Variants in SEMA3A observed in about 807,000 individuals in gnomAD.
SEMA3A encodes semaphorin-3A.
In SEMA3A, 29 loss-of-function variants were observed where a neutral mutation model predicts 97.9. The ratio of observed to expected loss-of-function variants is 0.30; its 90% CI spans 0.22 to 0.40. The LOEUF (loss-of-function observed/expected upper bound fraction) is 0.40. Among genes scored for constraint, SEMA3A ranks in the 10% least tolerant of loss-of-function variants. The probability of loss-of-function intolerance (pLI) is 1.00; values close to 1 mark genes in which losing one functional copy is unlikely to be tolerated. For missense variants in SEMA3A, 763 were observed against 951.3 expected (o/e 0.80, Z 2.60); for synonymous variants, 321 against 323.7 (o/e 0.99, Z 0.09).
chr7:84,441,977 C>T (rs755103626), intron 1 of SEMA3A, among the ~76,000 whole-genome samples: 1 of 152,190 alleles, frequency 6.6e-6, no homozygotes, highest in East Asian at 1.9e-4. Context: ...TACCAACAGA[C>T]GTGCTCTGCA....
intron 1 of SEMA3A, among the ~76,000 whole-genome samples, chr7:84,391,107 T>C (rs1391011800): frequency 6.6e-6 from 1 of 152,176 alleles, no homozygotes; most frequent in Non-Finnish European, 1.5e-5. Flanking sequence ...GTATAAATGC[T>C]GGCATGGAAA....
chr7:84,058,272 C>T (rs1793073338), intron 5 of SEMA3A, among the ~76,000 whole-genome samples: 1 of 152,128 alleles, frequency 6.6e-6, no homozygotes, highest in African/African-American at 2.4e-5. Context: ...CATAGGTTTT[C>T]CCAATGGCCA....
chr7:84,477,824 G>T (rs1288300675), intron 1 of SEMA3A, among the ~76,000 whole-genome samples: 1 of 152,174 alleles, frequency 6.6e-6, no homozygotes, highest in African/African-American at 2.4e-5. Context: ...CATACGACCT[G>T]CATGCAATTT....
At chr7:84,361,566 A>G (rs1430384578) in intron 2 of SEMA3A, among the ~76,000 whole-genome samples, 1 of 152,036 alleles carries the variant, frequency 6.6e-6, no homozygotes, top group Non-Finnish European at 1.5e-5. Flanking sequence ...ATTGAAAGAA[A>G]ATGGATAGAT....
chr7:84,098,162 T>C (rs1794834499), intron 4 of SEMA3A, among the ~76,000 whole-genome samples: 1 of 152,066 alleles, frequency 6.6e-6, no homozygotes, highest in African/African-American at 2.4e-5. Flanking sequence ...GTATTCATAC[T>C]TTTCTGTGTA....
chr7:84,278,564 G>C (rs1348925517), intron 3 of SEMA3A, among the ~76,000 whole-genome samples: 1 of 152,124 alleles, frequency 6.6e-6, no homozygotes, highest in Non-Finnish European at 1.5e-5. Context: ...ATTGGCTCAT[G>C]GTTCTGCAGG....
chr7:84,026,549 T>C (rs1791551186), intron 6 of SEMA3A, among the ~76,000 whole-genome samples: 2 of 152,186 alleles, frequency 1.3e-5, no homozygotes, highest in Non-Finnish European at 2.9e-5. Context: ...TGCACATGAA[T>C]GTTTTTTGTA....
In SEMA3A at chr7:83,980,623, A is replaced by AAAAAAATAT. The variant is rs1310318006; in HGVS notation, c.1652+697_1652+698insATATTTTTT. Among the ~76,000 whole-genome samples, 156 of 71,724 alleles carry AAAAAAATAT rather than the reference A, an allele frequency of 2.2e-3. 1 individual carries two copies. Among genetic ancestry groups the AAAAAAATAT allele is most frequent in the Non-Finnish European group, 3.1e-3 (127 of 41,388 alleles). The allele number at this position is 71,724 out of a possible 152,430, so 47.1% of individuals were successfully genotyped here. ...CATCTCAAAAAAAAAAAAAAAAAAA[A>AAAAAAATAT]ATATATATATATATATACACACACA... On this transcript the variant is annotated intron_variant, in intron 14 of 16. Coordinates refer to ENST00000265362, the MANE Select transcript of SEMA3A (RefSeq NM_006080.3).
At chr7:84,272,194 G>T (rs1278319417) in intron 3 of SEMA3A, among the ~76,000 whole-genome samples, 1 of 151,956 alleles carries the variant, frequency 6.6e-6, no homozygotes, top group Non-Finnish European at 1.5e-5. Flanking sequence ...TGCAGGAAAA[G>T]ATTGAAAAAC....
At chr7:84,223,436 A>G (rs933499031) in intron 3 of SEMA3A, among the ~76,000 whole-genome samples, 48 of 151,874 alleles carry the variant, frequency 3.2e-4, no homozygotes, top group African/African-American at 1.1e-3. Flanking sequence ...GCCACTGACA[A>G]AGTTCAAATC....
chr7:84,166,132 T>C (rs1797198235), intron 1 of SEMA3A, among the ~76,000 whole-genome samples: 1 of 151,786 alleles, frequency 6.6e-6, no homozygotes, highest in South Asian at 2.1e-4. Flanking sequence ...AAATATTAGC[T>C]GGGTATGGTG....
In SEMA3A at chr7:84,394,275, C is replaced by A. The variant is rs141044341; in HGVS notation, c.-245-22375G>T. ...CATTATAGTGAAAATTTGTTACTTG[C>A]AGTTTAAAGTATTTTTAACTTCTAT... On this transcript the variant is annotated intron_variant, in intron 1 of 3. Transcript: ENST00000424555. Among the ~76,000 whole-genome samples the A allele has an allele frequency of 2.9e-3, 447 of 152,126 alleles. 1 individual carries two copies. The highest frequency in any genetic ancestry group is 0.01 in the African/African-American group (429 of 41,530).
intron 15 of SEMA3A, among the ~76,000 whole-genome samples, chr7:83,974,210 G>A (rs1435188433): frequency 6.6e-6 from 1 of 152,076 alleles, no homozygotes; most frequent in African/African-American, 2.4e-5. Context: ...CGACAGAGGA[G>A]AGTATCCTGG....
At chr7:84,012,033 G>A (rs1251060481) in intron 7 of SEMA3A, among the ~76,000 whole-genome samples, 1 of 152,100 alleles carries the variant, frequency 6.6e-6, no homozygotes, top group Non-Finnish European at 1.5e-5. Flanking sequence ...AATATAAGAA[G>A]CTGAACTCAC....
At chr7:84,087,696 G>A (rs541169673) in intron 4 of SEMA3A, among the ~76,000 whole-genome samples, 121 of 152,248 alleles carry the variant, frequency 7.9e-4, no homozygotes, top group African/African-American at 2.8e-3. Flanking sequence ...GTGTTTTGGT[G>A]TAACTCAATG....
In SEMA3A at chr7:84,397,107, G is replaced by A. The variant is rs572741251; in HGVS notation, c.-245-25207C>T. Among the ~76,000 whole-genome samples, 32 of 151,864 alleles carry A rather than the reference G, an allele frequency of 2.1e-4. 1 individual carries two copies. Among genetic ancestry groups the A allele is most frequent in the African/African-American group, 7.5e-4 (31 of 41,394 alleles). On this transcript the variant is annotated intron_variant, in intron 1 of 3. Coordinates refer to the SEMA3A transcript ENST00000424555. Reference sequence around the variant, plus strand: ...ATGTTTATAATGAAAGTTGTGAAAGGCATACAAAATCACAATGTTGAAAAT... The same window carrying A: ...ATGTTTATAATGAAAGTTGTGAAAGACATACAAAATCACAATGTTGAAAAT...
intron 2 of SEMA3A, among the ~76,000 whole-genome samples, chr7:84,325,083 C>A (rs965502413): frequency 1.3e-5 from 2 of 151,946 alleles, no homozygotes; most frequent in African/African-American, 4.8e-5. Context: ...AAATAATAGA[C>A]CTACAGACCT....
At chr7:84,320,126 T>C (rs1801610836) in intron 2 of SEMA3A, among the ~76,000 whole-genome samples, 1 of 151,876 alleles carries the variant, frequency 6.6e-6, no homozygotes, top group Non-Finnish European at 1.5e-5. Context: ...ATGATTATGA[T>C]AATGGAAGCA....
intron 1 of SEMA3A, among the ~76,000 whole-genome samples, chr7:84,147,821 A>G (rs1796507371): frequency 6.6e-6 from 1 of 152,116 alleles, no homozygotes; most frequent in South Asian, 2.1e-4. Flanking sequence ...AGCAAATGCA[A>G]TTTAAATTTG....
Sources: allele counts gnomAD v4.1 joint callset (sites outside exome capture counted in the v4.1 genomes callset), GRCh38; gene constraint gnomAD v4.1.1; transcripts MANE v1.5; gene names NCBI Gene and HGNC (gene_info 2026-07-23, HGNC 2026-07-21).